NELL1: variants seen among roughly 807,000 people sequenced by gnomAD.
The protein encoded by NELL1 is protein kinase C-binding protein NELL1.
Under a neutral mutation model 107.4 loss-of-function variants are expected in NELL1, and 76 were observed. The observed-to-expected ratio is 0.71, with a 90% CI of 0.59 to 0.86. The LOEUF (loss-of-function observed/expected upper bound fraction) is 0.86. Among genes scored for constraint, NELL1 ranks in the 40% least tolerant of loss-of-function variants. The pLI, the probability that NELL1 is intolerant of heterozygous loss-of-function variation, is 0.00. For missense variants in NELL1, 1,024 were observed against 1,005.5 expected, an observed-to-expected ratio of 1.02 and a Z score of -0.25; for synonymous variants, 353 against 341.2, an observed-to-expected ratio of 1.03 and a Z score of -0.38.
intron 8 of NELL1, 67 bp downstream of exon 8, chr11:20,927,509 T>C: frequency 6.9e-7 from 1 of 1,450,978 alleles, no homozygotes; most frequent in Non-Finnish European, 9.4e-7. Context: ...AATTAGAGTG[T>C]AACCTGGTTC....
chr11:21,293,911 T>C (rs1004882307), intron 14 of NELL1, among the ~76,000 whole-genome samples: 14 of 151,866 alleles, frequency 9.2e-5, no homozygotes, highest in Admixed American at 3.9e-4. Context: ...AGGGCAACAT[T>C]ACACACTGAA....
chr11:21,243,501 A>T (rs1416911669), intron 14 of NELL1, among the ~76,000 whole-genome samples: 1 of 152,108 alleles, frequency 6.6e-6, no homozygotes, highest in Non-Finnish European at 1.5e-5. Context: ...ACCTCTTTGA[A>T]GACTGTATTT....
intron 12 of NELL1, among the ~76,000 whole-genome samples, chr11:21,033,025 C>A (rs1042312408): frequency 6.6e-6 from 1 of 152,018 alleles, no homozygotes; most frequent in Non-Finnish European, 1.5e-5. Context: ...GTGTTTAATT[C>A]TAAGATTACA....
chr11:20,900,397 T>C (rs921418876), intron 5 of NELL1, among the ~76,000 whole-genome samples: 3 of 152,188 alleles, frequency 2.0e-5, no homozygotes, highest in Admixed American at 1.3e-4. Flanking sequence ...GACCTTTTGA[T>C]GGGATATGCT....
At chr11:21,232,269 G>A (rs1858082747) in intron 14 of NELL1, among the ~76,000 whole-genome samples, 1 of 148,870 alleles carries the variant, frequency 6.7e-6, no homozygotes, top group South Asian at 2.2e-4. Flanking sequence ...GGCAGAGGTT[G>A]CAGTGAGCCG....
At chr11:21,028,812 C>T (rs547494339) in intron 12 of NELL1, among the ~76,000 whole-genome samples, 2 of 152,212 alleles carry the variant, frequency 1.3e-5, no homozygotes, top group African/African-American at 4.8e-5. Flanking sequence ...ATTTTAAAAG[C>T]AAATTAGCTG....
chr11:21,061,252 G>A (rs2134362962), intron 12 of NELL1, among the ~76,000 whole-genome samples: 1 of 152,278 alleles, frequency 6.6e-6, no homozygotes, highest in East Asian at 1.9e-4. Flanking sequence ...AGTAAGGAGT[G>A]TATGTGTGTG....
chr11:21,018,914 T>C (rs1852632992), intron 12 of NELL1, among the ~76,000 whole-genome samples: 1 of 152,130 alleles, frequency 6.6e-6, no homozygotes, highest in Admixed American at 6.6e-5. Context: ...TACTTCATTT[T>C]AAGTATTCCT....
intron 14 of NELL1, among the ~76,000 whole-genome samples, chr11:21,299,746 C>A (rs1849453674): frequency 6.6e-6 from 1 of 151,792 alleles, no homozygotes; most frequent in African/African-American, 2.4e-5. Context: ...CAATAGGAGC[C>A]ATAGATAATA....
At chr11:21,050,277 CA>C (rs1390787640) in intron 12 of NELL1, among the ~76,000 whole-genome samples, 2 of 130,620 alleles carry the variant, frequency 1.5e-5, no homozygotes, top group African/African-American at 6.6e-5. Flanking sequence ...CCCCGCCCCC[CA>C]CTTTTTTTTA....
At chr11:21,438,783 A>T (rs1427213812) in intron 15 of NELL1, among the ~76,000 whole-genome samples, 1 of 151,814 alleles carries the variant, frequency 6.6e-6, no homozygotes. Context: ...TGAATTTTAC[A>T]GTTCTGGGAT....
chr11:21,052,577 A>G (rs1466052062), intron 12 of NELL1, among the ~76,000 whole-genome samples: 1 of 152,174 alleles, frequency 6.6e-6, no homozygotes, highest in Non-Finnish European at 1.5e-5. Flanking sequence ...AGTTCCAGGT[A>G]TGAAGAAATA....
chr11:21,126,400 C>T (rs926880793), intron 13 of NELL1, among the ~76,000 whole-genome samples: 3 of 152,120 alleles, frequency 2.0e-5, no homozygotes, highest in African/African-American at 7.2e-5. Flanking sequence ...GCGATGTGTT[C>T]AGCAAGCAAT....
intron 3 of NELL1, among the ~76,000 whole-genome samples, chr11:20,790,411 T>A (rs1481829947): frequency 6.6e-6 from 1 of 152,248 alleles, no homozygotes; most frequent in Non-Finnish European, 1.5e-5. Context: ...GCCCCGACTT[T>A]GCTCAAAGAT....
intron 3 of NELL1, among the ~76,000 whole-genome samples, chr11:20,808,906 C>T (rs1019298487): frequency 6.6e-6 from 1 of 152,222 alleles, no homozygotes; most frequent in Non-Finnish European, 1.5e-5. Flanking sequence ...ACTGTCTTTC[C>T]TACCTTCTTC....
chr11:20,776,533 A>G (rs1463985278), intron 2 of NELL1, among the ~76,000 whole-genome samples: 5 of 152,242 alleles, frequency 3.3e-5, no homozygotes, highest in East Asian at 3.9e-4. Context: ...TCTATACATA[A>G]TCTCTGACAA....
intron 15 of NELL1, among the ~76,000 whole-genome samples, chr11:21,488,822 A>AC (rs1854714729): frequency 1.3e-5 from 2 of 152,138 alleles, no homozygotes. Context: ...ATAAATGCCT[A>AC]CATCAAAAAA....
chr11:21,467,917 AC>A, intron 15 of NELL1, among the ~76,000 whole-genome samples: 1 of 151,824 alleles, frequency 6.6e-6, no homozygotes, highest in Non-Finnish European at 1.5e-5. Flanking sequence ...TTTCTCTAAG[AC>A]CCCTTGCAAG....
intron 16 of NELL1, among the ~76,000 whole-genome samples, chr11:21,556,774 G>A (rs1373109212): frequency 6.6e-6 from 1 of 151,926 alleles, no homozygotes; most frequent in African/African-American, 2.4e-5. Context: ...TTTCATTCGA[G>A]CATGAAGCAT....
Sources: allele counts gnomAD v4.1 joint callset (sites outside exome capture counted in the v4.1 genomes callset), GRCh38; gene constraint gnomAD v4.1.1; transcripts MANE v1.5; gene names NCBI Gene and HGNC (gene_info 2026-07-23, HGNC 2026-07-21).